LRGUK: variants seen among roughly 807,000 people sequenced by gnomAD.
LRGUK encodes the protein leucine-rich repeat and guanylate kinase domain-containing protein.
A neutral mutation model predicts 76.0 loss-of-function variants in LRGUK; 65 were observed. That is an observed-to-expected ratio of 0.85 (90% CI 0.70 to 1.05). The LOEUF (loss-of-function observed/expected upper bound fraction) is 1.05. Ranked by LOEUF, LRGUK falls within the 50% of genes least tolerant of loss-of-function variation. LRGUK has a pLI of 0.00. For synonymous variants in LRGUK, 268 were observed against 265.6 expected (o/e 1.01, Z -0.09); for missense variants, 758 against 732.8 (o/e 1.03, Z -0.40).
chr7:134,187,087 C>T (rs75706857), intron 11 of LRGUK, among the ~76,000 whole-genome samples: 1,719 of 151,918 alleles, frequency 0.011, 25 homozygotes, highest in African/African-American at 0.039. Flanking sequence ...GACTATGCAT[C>T]GGATGGAAAA....
chr7:134,231,488 A>C (rs1204877935), intron 16 of LRGUK, among the ~76,000 whole-genome samples: 143 of 92,762 alleles, frequency 1.5e-3, no homozygotes, highest in Admixed American at 4.2e-3. Flanking sequence ...TCCTCCCTCC[A>C]TTCCTTCCTT....
At chr7:134,258,605 A>G in intron 19 of LRGUK, among the ~76,000 whole-genome samples, 200 bp downstream of exon 19, 1 of 151,912 alleles carries the variant, frequency 6.6e-6, no homozygotes, top group East Asian at 1.9e-4. Flanking sequence ...AGGCTGAGGC[A>G]AGAGAATTGC....
At chr7:134,165,816 T>C (rs1453376917) in intron 7 of LRGUK, among the ~76,000 whole-genome samples, 1 of 152,182 alleles carries the variant, frequency 6.6e-6, no homozygotes, top group Non-Finnish European at 1.5e-5. Context: ...TCATAAATAG[T>C]ATGTTGTTCT....
downstream of LRGUK, among the ~76,000 whole-genome samples, chr7:134,214,759 T>C (rs1315144407): frequency 1.4e-5 from 2 of 143,638 alleles, no homozygotes; most frequent in Non-Finnish European, 3.0e-5. Context: ...GAAAAAGTTA[T>C]ATAGAATTAA....
intron 6 of LRGUK, among the ~76,000 whole-genome samples, chr7:134,159,231 G>A (rs1169336506): frequency 1.3e-5 from 2 of 151,634 alleles, no homozygotes; most frequent in Non-Finnish European, 2.9e-5. Flanking sequence ...AGCTACTTAG[G>A]AGGGCTGAAG....
chr7:134,173,861 A>G (rs564594288), intron 7 of LRGUK, among the ~76,000 whole-genome samples: 63 of 152,312 alleles, frequency 4.1e-4, no homozygotes, highest in African/African-American at 1.4e-3. Context: ...CTGTAATCCC[A>G]GAACTTTGGG....
intron 19 of LRGUK, among the ~76,000 whole-genome samples, chr7:134,261,157 C>A (rs1291267637): frequency 6.6e-6 from 1 of 152,126 alleles, no homozygotes; most frequent in Non-Finnish European, 1.5e-5. Context: ...AGTTCTGAGT[C>A]TGCCATTTTG....
chr7:134,153,179 A>C (rs60094347), intron 5 of LRGUK, among the ~76,000 whole-genome samples: 19,696 of 152,114 alleles, frequency 0.13, 1,611 homozygotes, highest in East Asian at 0.32. Flanking sequence ...CCTGAAAATT[A>C]TAAATTAATT....
intron 15 of LRGUK, among the ~76,000 whole-genome samples, chr7:134,203,296 T>C (rs1325399233): frequency 1.3e-5 from 2 of 152,172 alleles, no homozygotes; most frequent in South Asian, 2.1e-4. Flanking sequence ...CTGAACCCCA[T>C]TCACACACTG....
Position 134,174,637 on chromosome 7 carries a change from G to A in LRGUK, c.1020+1G>A. The A allele has an allele frequency of 1.3e-6, 2 of 1,547,510 alleles. No homozygotes were observed. The highest frequency in any genetic ancestry group is 1.8e-6 in the Non-Finnish European group (2 of 1,119,966). ...CAATCTTCTAGAAAATCCAATTCAG[G>A]TGAGACATTATTTATATCAGGGAGG... On this transcript the variant is annotated splice_donor_variant, in intron 8 of 15. Transcript: ENST00000645682. LOFTEE classifies it high-confidence loss of function.
chr7:134,141,853 T>G (rs1797779005), intron 3 of LRGUK, among the ~76,000 whole-genome samples: 1 of 152,194 alleles, frequency 6.6e-6, no homozygotes, highest in Non-Finnish European at 1.5e-5. Context: ...CAACAAAGTG[T>G]TAATGTCTCA....
intron 16 of LRGUK, among the ~76,000 whole-genome samples, chr7:134,228,571 A>G (rs560984933): frequency 6.6e-6 from 1 of 152,320 alleles, no homozygotes; most frequent in African/African-American, 2.4e-5. Context: ...TGTATTTAAC[A>G]CCATTAACTG....
At chr7:134,127,593 G>A in exon 1 of LRGUK, 2 of 1,614,196 alleles carry the variant, frequency 1.2e-6, no homozygotes, top group Non-Finnish European at 8.5e-7. Context: ...GGACTCGGAC[G>A]GAGATGAGGA....
At chr7:134,198,943 A>G (rs1159677125) in intron 13 of LRGUK, among the ~76,000 whole-genome samples, 3 of 152,172 alleles carry the variant, frequency 2.0e-5, no homozygotes, top group Non-Finnish European at 4.4e-5. Flanking sequence ...ATATCCAGCA[A>G]TTTTCTAACA....
At chr7:134,158,277 T>C (rs192387908) in intron 6 of LRGUK, 118 bp downstream of exon 6, 15 of 899,798 alleles carry the variant, frequency 1.7e-5, no homozygotes, top group Middle Eastern at 6.9e-4. Flanking sequence ...CATGAAATGT[T>C]ATTGTCTTCA....
exon 1 of LRGUK, chr7:134,127,367 G>A (rs1186596136): frequency 6.5e-7 from 1 of 1,541,210 alleles, no homozygotes; most frequent in East Asian, 2.3e-5. Flanking sequence ...CGCTAAACAA[G>A]ATGGCGACCT....
chr7:134,225,910 T>C (rs1801730498), intron 16 of LRGUK, among the ~76,000 whole-genome samples: 1 of 152,160 alleles, frequency 6.6e-6, no homozygotes, highest in Admixed American at 6.5e-5. Context: ...GCATTTATAA[T>C]TTAGAAAGAG....
intron 15 of LRGUK, among the ~76,000 whole-genome samples, chr7:134,205,149 T>C (rs906224210): frequency 2.6e-5 from 4 of 152,330 alleles, no homozygotes; most frequent in Admixed American, 6.5e-5. Context: ...ACATGTTCCA[T>C]TTGTGTCCTA....
At chr7:134,128,806 TC>T (rs1797147544) in intron 1 of LRGUK, among the ~76,000 whole-genome samples, 1 of 152,218 alleles carries the variant, frequency 6.6e-6, no homozygotes, top group Admixed American at 6.5e-5. Flanking sequence ...CACCTCTGCC[TC>T]CCAGAGTGCT....
Sources: allele counts gnomAD v4.1 joint callset (sites outside exome capture counted in the v4.1 genomes callset), GRCh38; gene constraint gnomAD v4.1.1; transcripts MANE v1.5; gene names NCBI Gene and HGNC (gene_info 2026-07-23, HGNC 2026-07-21).